KCNMB2: variants seen among roughly 807,000 people sequenced by gnomAD.
KCNMB2 encodes the protein calcium-activated potassium channel subunit beta-2.
A neutral mutation model predicts 24.5 loss-of-function variants in KCNMB2; 9 were observed. The observed-to-expected ratio is 0.37, with a 90% CI of 0.22 to 0.64. The LOEUF (loss-of-function observed/expected upper bound fraction) is 0.64, where lower values mean the gene tolerates loss of function less well. Among genes scored for constraint, KCNMB2 ranks in the 30% least tolerant of loss-of-function variants. The pLI is 0.63. For synonymous variants in KCNMB2, 109 were observed against 104.4 expected, an observed-to-expected ratio of 1.04 and a Z score of -0.27; for missense variants, 226 against 284.3, an observed-to-expected ratio of 0.79 and a Z score of 1.47.
intron 1 of KCNMB2, among the ~76,000 whole-genome samples, chr3:178,747,426 A>G (rs1052265094): frequency 2.6e-5 from 4 of 152,236 alleles, no homozygotes; most frequent in Non-Finnish European, 1.5e-5. Context: ...TCACTGATGT[A>G]GAATTAGCAA....
chr3:178,638,558 T>G (rs1034696843), intron 1 of KCNMB2, among the ~76,000 whole-genome samples: 7 of 152,192 alleles, frequency 4.6e-5, no homozygotes, highest in African/African-American at 7.2e-5. Flanking sequence ...TACCTGCAAT[T>G]CTCTTATGGC....
At chr3:178,636,599 T>G (rs1198446172) in intron 1 of KCNMB2, among the ~76,000 whole-genome samples, 1 of 152,222 alleles carries the variant, frequency 6.6e-6, no homozygotes, top group Non-Finnish European at 1.5e-5. Context: ...TCTCTTAGCT[T>G]CTTGAGTATC....
chr3:178,611,578 G>C (rs1718485397), intron 1 of KCNMB2, among the ~76,000 whole-genome samples: 1 of 152,076 alleles, frequency 6.6e-6, no homozygotes, highest in Non-Finnish European at 1.5e-5. Flanking sequence ...GGTGGCAGGT[G>C]CCTGTAGTCC....
intron 1 of KCNMB2, among the ~76,000 whole-genome samples, chr3:178,733,402 T>C (rs534680219): frequency 6.6e-6 from 1 of 152,332 alleles, no homozygotes; most frequent in South Asian, 2.1e-4. Context: ...GTTTGACTTT[T>C]ACTCTGGATT....
chr3:178,565,930 A>T (rs1435932567), intron 1 of KCNMB2, among the ~76,000 whole-genome samples: 1 of 152,196 alleles, frequency 6.6e-6, no homozygotes, highest in African/African-American at 2.4e-5. Context: ...GTAAAACACG[A>T]ATATAAAAAA....
chr3:178,669,787 T>A (rs964817665), intron 1 of KCNMB2, among the ~76,000 whole-genome samples: 1 of 151,906 alleles, frequency 6.6e-6, no homozygotes, highest in African/African-American at 2.4e-5. Context: ...TGGAAAAACA[T>A]CATGGAAGGA....
chr3:178,787,182 C>A (rs1577188231), intron 1 of KCNMB2, among the ~76,000 whole-genome samples: 2 of 152,218 alleles, frequency 1.3e-5, no homozygotes, highest in South Asian at 4.1e-4. Flanking sequence ...ACTGTGTGAA[C>A]CTTTACACCG....
intron 1 of KCNMB2, among the ~76,000 whole-genome samples, chr3:178,689,553 G>A (rs1053891716): frequency 2.6e-5 from 4 of 152,062 alleles, no homozygotes; most frequent in East Asian, 1.9e-4. Flanking sequence ...AGAGAATGGC[G>A]TGAACCCAGG....
At chr3:178,615,077 T>G (rs1202738860) in intron 1 of KCNMB2, among the ~76,000 whole-genome samples, 1 of 152,216 alleles carries the variant, frequency 6.6e-6, no homozygotes, top group African/African-American at 2.4e-5. Flanking sequence ...CTGGATTACC[T>G]GACAGAAACT....
chr3:178,745,247 A>T (rs1174707598), intron 1 of KCNMB2, among the ~76,000 whole-genome samples: 1 of 152,152 alleles, frequency 6.6e-6, no homozygotes, highest in Non-Finnish European at 1.5e-5. Flanking sequence ...GTGGCTGGGG[A>T]AGCCTCACAA....
intron 1 of KCNMB2, among the ~76,000 whole-genome samples, chr3:178,618,463 A>G (rs1471866024): frequency 6.6e-6 from 1 of 152,202 alleles, no homozygotes; most frequent in Non-Finnish European, 1.5e-5. Context: ...AGAAAGAAAG[A>G]CCAGATACAT....
chr3:178,681,184 G>A (rs1342303951), intron 1 of KCNMB2, among the ~76,000 whole-genome samples: 2 of 152,226 alleles, frequency 1.3e-5, no homozygotes, highest in African/African-American at 4.8e-5. Context: ...CTGTGTCAGA[G>A]AGCATAGATT....
chr3:178,843,449 T>G lies in KCNMB2; in HGVS notation c.*512T>G, dbSNP rs1031005087. 9.8e-6 allele frequency: 2 copies of G among 203,154 alleles called. No homozygotes were observed. Among genetic ancestry groups the G allele is most frequent in the Non-Finnish European group, 2.1e-5 (2 of 96,994 alleles). 12.6% of individuals were successfully genotyped at this position (203,154 alleles called of 1,614,324 possible). A position where few individuals can be genotyped will look rare whatever the true frequency, so the allele number is the denominator to read the frequency against. ...TACTTTTCTTGTATTTTTTACCATA[T>G]CACTGTAAAGAAGAGGGGAAACCCA... On this transcript the variant is annotated 3_prime_UTR_variant, in exon 5 of 5. Coordinates refer to ENST00000452583, the MANE Select transcript of KCNMB2 (RefSeq NM_181361.3).
chr3:178,841,254 C>T lies in KCNMB2; in HGVS notation c.424-1399C>T, dbSNP rs74767855. ...CATCTCCATCTGAAACTACCTCATT[C>T]CAGACTTCTTTCTCCATATCACTAT... On this transcript the variant is annotated intron_variant, in intron 4 of 4. Transcript: ENST00000452583. 1.1e-3 allele frequency among the ~76,000 whole-genome samples: 168 copies of T among 152,350 alleles called. 2 individuals carry two copies. In the East Asian group the frequency reaches 0.031, roughly 28 times the overall value.
chr3:178,649,640 T>C (rs1245904856), intron 1 of KCNMB2, among the ~76,000 whole-genome samples: 1 of 152,166 alleles, frequency 6.6e-6, no homozygotes, highest in East Asian at 1.9e-4. Context: ...CTTCTAGATT[T>C]TCTAGTTTAT....
intron 1 of KCNMB2, among the ~76,000 whole-genome samples, chr3:178,727,495 G>A (rs543449209): frequency 6.6e-6 from 1 of 152,208 alleles, no homozygotes; most frequent in East Asian, 1.9e-4. Flanking sequence ...TTGAGATTTG[G>A]AAATTATCTT....
chr3:178,757,704 A>T (rs1408140635), intron 1 of KCNMB2, among the ~76,000 whole-genome samples: 1 of 70,518 alleles, frequency 1.4e-5, no homozygotes, highest in Admixed American at 1.6e-4. Context: ...ATATATATCC[A>T]AGAGGATATA....
intron 1 of KCNMB2, among the ~76,000 whole-genome samples, chr3:178,556,775 A>C (rs775219530): frequency 1.1e-4 from 16 of 152,222 alleles, no homozygotes; most frequent in Non-Finnish European, 1.9e-4. Flanking sequence ...CACAGAGGCC[A>C]AAGGAAGAGC....
intron 2 of KCNMB2, among the ~76,000 whole-genome samples, chr3:178,808,073 G>A (rs935782786): frequency 6.6e-6 from 1 of 152,060 alleles, no homozygotes; most frequent in African/African-American, 2.4e-5. Flanking sequence ...CAAATCCATT[G>A]AGCCCTTAAA....
Sources: gnomAD v4.1 joint callset for allele counts (sites outside exome capture counted in the v4.1 genomes callset) on GRCh38, gnomAD v4.1.1 for gene constraint, MANE v1.5 for transcripts, NCBI Gene and HGNC (gene_info 2026-07-23, HGNC 2026-07-21) for gene names.